The following SLC36A3 variants were observed in gnomAD, a reference collection of about 807,000 sequenced individuals.
The protein encoded by SLC36A3 is solute carrier family 36 member 3, also known as proton-coupled amino acid transporter 3.
Under a neutral mutation model 44.3 loss-of-function variants are expected in SLC36A3, and 35 were observed. The observed-to-expected ratio is 0.79, with a 90% CI of 0.60 to 1.05. The LOEUF is 1.05. SLC36A3 is among the 50% of genes least tolerant of loss of function. SLC36A3 has a pLI of 0.00. For synonymous variants in SLC36A3, 211 were observed against 227.6 expected (o/e 0.93, Z 0.66); for missense variants, 540 against 578.7 (o/e 0.93, Z 0.69).
intron 2 of SLC36A3, 110 bp from the exon 3 acceptor site, chr5:151,296,378 G>T: frequency 1.1e-6 from 1 of 888,098 alleles, no homozygotes; most frequent in South Asian, 1.5e-5. Flanking sequence ...ACTGTCTTTG[G>T]GGTGACAGAC....
chr5:151,289,727 T>G (rs1754686739), intron 4 of SLC36A3, among the ~76,000 whole-genome samples: 1 of 152,230 alleles, frequency 6.6e-6, no homozygotes, highest in African/African-American at 2.4e-5. Context: ...TTCCTCGTGA[T>G]TAAATTCAGG....
intron 3 of SLC36A3, among the ~76,000 whole-genome samples, chr5:151,294,321 C>A (rs10074476): frequency 0.17 from 25,514 of 152,074 alleles, 2,889 homozygotes; most frequent in African/African-American, 0.33. Context: ...AATGAAGTCA[C>A]CTTGCATAGA....
At chr5:151,299,264 C>CTCTCTCTCTCTCTCTATATATATA (rs1372309288) in intron 1 of SLC36A3, among the ~76,000 whole-genome samples, 2 of 59,646 alleles carry the variant, frequency 3.4e-5, no homozygotes, top group East Asian at 6.0e-4. Flanking sequence ...CTCTCTCTCT[C>CTCTCTCTCTCTCTCTATATATATA]TATATATATA....
At chr5:151,295,499 A>G (rs549651803) in intron 3 of SLC36A3, among the ~76,000 whole-genome samples, 1 of 152,274 alleles carries the variant, frequency 6.6e-6, no homozygotes, top group South Asian at 2.1e-4. Flanking sequence ...ATTAGGCTTT[A>G]TGGAGAGTTT....
intron 2 of SLC36A3, chr5:151,296,509 C>G (rs962432862): frequency 1.1e-5 from 6 of 551,884 alleles, no homozygotes; most frequent in Non-Finnish European, 1.9e-5. Flanking sequence ...TCATTACCTT[C>G]CCACATAGCC....
intron 9 of SLC36A3, among the ~76,000 whole-genome samples, chr5:151,278,283 G>A (rs1754176729): frequency 6.6e-6 from 1 of 150,480 alleles, no homozygotes. Flanking sequence ...CACAAAGACA[G>A]CATTAAGCTA....
intron 1 of SLC36A3, among the ~76,000 whole-genome samples, chr5:151,301,606 A>T (rs1408081026): frequency 6.6e-6 from 1 of 151,096 alleles, no homozygotes; most frequent in East Asian, 1.9e-4. Context: ...ATCTTTAAAA[A>T]CTCTAATTCC....
Position 151,298,390 on chromosome 5 carries a change from C to CT in SLC36A3, c.219+202dup, listed in dbSNP as rs1755032616. On this transcript the variant is annotated intron_variant, in intron 2 of 9. Coordinates refer to ENST00000335230, the MANE Select transcript of SLC36A3 (RefSeq NM_181774.4). ...GTAGAGTCAGATGAGCATGGTGAGT[C>CT]TTTAAGAGTAATGGTGTGCCCCCTT... 13 of 559,078 alleles carry CT rather than the reference C, an allele frequency of 2.3e-5. No individual in the cohort carries two copies. The East Asian group carries it at 3.9e-4, about 17-fold the overall frequency. 34.6% of individuals were successfully genotyped at this position (559,078 alleles called of 1,614,324 possible). A position where few individuals can be genotyped will look rare whatever the true frequency, so the allele number is the denominator to read the frequency against.
At chr5:151,298,874 T>A (rs1259591735) in intron 1 of SLC36A3, among the ~76,000 whole-genome samples, 191 bp from the exon 2 acceptor site, 1 of 152,162 alleles carries the variant, frequency 6.6e-6, no homozygotes, top group African/African-American at 2.4e-5. Context: ...ATGGTGCTAG[T>A]TCAAGTGACT....
chr5:151,281,039 G>T lies in SLC36A3; in HGVS notation c.1119C>A (p.Val373=). The change falls in exon 9 of 10, where the codon GTC becomes GTA. Residue 373 remains valine, a synonymous_variant. Transcript: ENST00000335230. ...ESWALFVDLS[V]RSALVCLTCV... ...AGGTTAGACAGACCAAGGCTGAGCG[G>T]ACAGACAGGTCTACAAACAGTGCCC... 3 of 1,614,180 alleles carry T rather than the reference G, an allele frequency of 1.9e-6. No homozygotes were observed. The highest frequency in any genetic ancestry group is 2.5e-6 in the Non-Finnish European group (3 of 1,180,028).
At chr5:151,292,261 T>G (rs1331066646) in intron 4 of SLC36A3, among the ~76,000 whole-genome samples, 1 of 152,204 alleles carries the variant, frequency 6.6e-6, no homozygotes, top group African/African-American at 2.4e-5. Flanking sequence ...TCTAACTCTT[T>G]CTCATGACCT....
Position 151,277,577 on chromosome 5 carries a change from A to G in SLC36A3, c.1229T>C (p.Ile410Thr), listed in dbSNP as rs779964201. The G allele has an allele frequency of 7.4e-6, 12 of 1,614,212 alleles. No individual in the cohort carries two copies. Among genetic ancestry groups the G allele is most frequent in the Non-Finnish European group, 1.0e-5 (12 of 1,180,044 alleles). Residue 410 changes from isoleucine to threonine, a missense_variant, in exon 10 of 10, where the codon ATC becomes ACC. Physicochemically the swap from Ile to Thr is moderately conservative, Grantham distance 89. Coordinates refer to ENST00000335230, the MANE Select transcript of SLC36A3 (RefSeq NM_181774.4). ...GATGACGATCTCCAGGAGGGCTGGG[A>G]TGATGAGAGCCAGGGCGCTGCTGCT... ...SVSSSALALIIPALLEIVIFY... is the reference protein window; with the variant it reads ...SVSSSALALITPALLEIVIFY...
chr5:151,297,896 G>C (rs1040106934), intron 2 of SLC36A3: 2 of 152,400 alleles, frequency 1.3e-5, no homozygotes, highest in Non-Finnish European at 2.9e-5. Flanking sequence ...GGGAGGCGGA[G>C]GTTGCAGTGA....
Position 151,284,233 on chromosome 5 carries a change from G to A in SLC36A3, c.808-23C>T, listed in dbSNP as rs989345995. The A allele has an allele frequency of 3.2e-6, 5 of 1,586,378 alleles. No homozygotes were observed. In the African/African-American group the frequency reaches 6.8e-5, roughly 22 times the overall value. ...AACCTGGAGGGAAAAAAAAAAGTTGGGAAAGAAAAGGTAGAAAGAGATGTG... is the reference window on the plus strand; with the variant it reads ...AACCTGGAGGGAAAAAAAAAAGTTGAGAAAGAAAAGGTAGAAAGAGATGTG... On this transcript the variant is annotated intron_variant, in intron 7 of 9. Coordinates refer to ENST00000335230, the MANE Select transcript of SLC36A3 (RefSeq NM_181774.4).
chr5:151,277,045 A>C lies in SLC36A3; in HGVS notation c.*348T>G. On this transcript the variant is annotated 3_prime_UTR_variant, in exon 10 of 10. Coordinates refer to ENST00000335230, the MANE Select transcript of SLC36A3 (RefSeq NM_181774.4). Reference sequence around the variant, plus strand: ...TAAATCTGATGCTTTAAGGGCAGCTACTGCAGTGTAGAGAAAACAGTTACT... The same window carrying C: ...TAAATCTGATGCTTTAAGGGCAGCTCCTGCAGTGTAGAGAAAACAGTTACT... 1.6e-5 allele frequency: 4 copies of C among 252,904 alleles called. No homozygotes were observed. Among genetic ancestry groups the C allele is most frequent in the Non-Finnish European group, 2.3e-5 (3 of 131,028 alleles). The allele number at this position is 252,904 out of a possible 1,614,324, so 15.7% of individuals were successfully genotyped here. A position where few individuals can be genotyped will look rare whatever the true frequency, so the allele number is the denominator to read the frequency against.
rs1561641041 is a variant in SLC36A3 at position 151,299,395 on chromosome 5, T to TATATA, written c.129-717_129-713dup. Among the ~76,000 whole-genome samples, 541 of 134,536 alleles carry TATATA rather than the reference T, an allele frequency of 4.0e-3. 18 individuals are homozygous for TATATA. The East Asian group carries it at 0.073, about 18-fold the overall frequency. 88.3% of individuals were successfully genotyped at this position (134,536 alleles called of 152,430 possible). A position where few individuals can be genotyped will look rare whatever the true frequency, so the allele number is the denominator to read the frequency against. ...GTGATATATATATATATATATATATTATATATATATGAATTGCTATATATC... is the reference window on the plus strand; with the variant it reads ...GTGATATATATATATATATATATATTATATAATATATATATGAATTGCTATATATC... On this transcript the variant is annotated intron_variant, in intron 1 of 9. Coordinates refer to ENST00000335230, the MANE Select transcript of SLC36A3 (RefSeq NM_181774.4).
At chr5:151,295,953 A>G (rs1236521713) in intron 3 of SLC36A3, among the ~76,000 whole-genome samples, 1 of 152,126 alleles carries the variant, frequency 6.6e-6, no homozygotes, top group Non-Finnish European at 1.5e-5. Flanking sequence ...GCTCAGGGGG[A>G]TGCAGGAATT....
intron 1 of SLC36A3, 42 bp downstream of exon 1, chr5:151,303,185 A>C (rs1171535805): frequency 3.2e-6 from 5 of 1,583,472 alleles, no homozygotes; most frequent in Non-Finnish European, 4.3e-6. Flanking sequence ...CAAAAACAGC[A>C]GTGCTTGACC....
rs1580811946 is a variant in SLC36A3, at chr5:151,287,208, A to C, written c.708+38T>G. On this transcript the variant is annotated intron_variant, in intron 6 of 9. Transcript: ENST00000335230. ...ACCCTCCTCCCCAGGTGTTTCAGAG[A>C]CCCAGGACCCTGATCCTTTCTTCCC... 10 of 1,602,962 alleles carry C rather than the reference A, an allele frequency of 6.2e-6. No individual in the cohort carries two copies. The East Asian group carries it at 2.2e-4, about 36-fold the overall frequency.
Sources: gnomAD v4.1 joint callset for allele counts (sites outside exome capture counted in the v4.1 genomes callset) on GRCh38, gnomAD v4.1.1 for gene constraint, MANE v1.5 for transcripts, NCBI Gene and HGNC (gene_info 2026-07-23, HGNC 2026-07-21) for gene names.